The following SMIM14 variants were observed in gnomAD, a reference collection of about 807,000 sequenced individuals.
The protein encoded by SMIM14 is chromosome 4 open reading frame 34.
Under a neutral mutation model 12.6 loss-of-function variants are expected in SMIM14, and 5 were observed. The ratio of observed to expected loss-of-function variants is 0.40; its 90% CI spans 0.21 to 0.83. SMIM14 has a LOEUF of 0.83. SMIM14 is among the 40% of genes least tolerant of loss of function. SMIM14 has a pLI of 0.37. For missense variants in SMIM14, 86 were observed against 119.1 expected, an observed-to-expected ratio of 0.72 and a Z score of 1.29; for synonymous variants, 30 against 40.1, an observed-to-expected ratio of 0.75 and a Z score of 0.95.
chr4:39,573,241 A>G (rs1213764430), intron 2 of SMIM14, among the ~76,000 whole-genome samples: 1 of 151,888 alleles, frequency 6.6e-6, no homozygotes, highest in Non-Finnish European at 1.5e-5. Flanking sequence ...GATTACAGGC[A>G]CCCGCCACCA....
At chr4:39,572,391 T>C in intron 3 of SMIM14, 24 bp downstream of exon 3, 1 of 1,509,858 alleles carries the variant, frequency 6.6e-7, no homozygotes, top group Non-Finnish European at 9.0e-7. Context: ...ATGCCATCCT[T>C]CCTCCTGTCT....
At chr4:39,605,975 T>C (rs1298157888) in intron 1 of SMIM14, among the ~76,000 whole-genome samples, 1 of 152,088 alleles carries the variant, frequency 6.6e-6, no homozygotes, top group East Asian at 1.9e-4. Flanking sequence ...TGACCTCAGG[T>C]GATCTGCCCA....
intron 1 of SMIM14, among the ~76,000 whole-genome samples, chr4:39,613,843 T>C (rs1184748786): frequency 6.6e-6 from 1 of 152,150 alleles, no homozygotes; most frequent in African/African-American, 2.4e-5. Flanking sequence ...TTCTCAAAAA[T>C]GTGCAACAGG....
chr4:39,599,933 C>CA (rs56285045), intron 2 of SMIM14, among the ~76,000 whole-genome samples: 148 of 115,082 alleles, frequency 1.3e-3, no homozygotes, highest in African/African-American at 2.0e-3. Flanking sequence ...AAAACAACAA[C>CA]AAAAAAAAAA....
intron 1 of SMIM14, among the ~76,000 whole-genome samples, chr4:39,608,638 T>C (rs1714905251): frequency 6.6e-6 from 1 of 152,198 alleles, no homozygotes; most frequent in Non-Finnish European, 1.5e-5. Flanking sequence ...TTCTAGGGAC[T>C]TAGGGAAGAA....
chr4:39,629,408 G>T (rs1715824896), intron 1 of SMIM14, among the ~76,000 whole-genome samples: 1 of 126,976 alleles, frequency 7.9e-6, no homozygotes, highest in African/African-American at 2.7e-5. Context: ...TCCATACTAT[G>T]TTGATCCCAC....
At chr4:39,615,238 A>G (rs2110067951) in intron 1 of SMIM14, among the ~76,000 whole-genome samples, 1 of 152,312 alleles carries the variant, frequency 6.6e-6, no homozygotes, top group South Asian at 2.1e-4. Flanking sequence ...TCCGGCCCGA[A>G]TGTAAGATAT....
At chr4:39,573,712 C>A (rs1000529484) in intron 2 of SMIM14, among the ~76,000 whole-genome samples, 24 of 151,638 alleles carry the variant, frequency 1.6e-4, no homozygotes, top group East Asian at 3.9e-4. Flanking sequence ...GAAAAAAAAA[C>A]CAGATTCTAT....
intron 1 of SMIM14, among the ~76,000 whole-genome samples, chr4:39,619,698 ATAAT>A (rs1276975534): frequency 7.8e-6 from 1 of 127,636 alleles, no homozygotes; most frequent in African/African-American, 3.0e-5. Flanking sequence ...ATCAATAAAT[ATAAT>A]TTATTCTATA....
At chr4:39,568,402 C>T (rs1032762078) in intron 3 of SMIM14, among the ~76,000 whole-genome samples, 1 of 152,018 alleles carries the variant, frequency 6.6e-6, no homozygotes, top group Non-Finnish European at 1.5e-5. Context: ...AATGATATTT[C>T]TGATATCACA....
intron 1 of SMIM14, among the ~76,000 whole-genome samples, chr4:39,609,139 G>T (rs1319456023): frequency 6.7e-6 from 1 of 149,638 alleles, no homozygotes; most frequent in African/African-American, 2.6e-5. Flanking sequence ...ACCATGCCCG[G>T]CTAATTTTTT....
intron 1 of SMIM14, among the ~76,000 whole-genome samples, chr4:39,621,682 GTTTCT>G (rs1715494473): frequency 1.7e-5 from 2 of 116,960 alleles, no homozygotes; most frequent in African/African-American, 3.8e-5. Context: ...ACAGCCAAAC[GTTTCT>G]TTTTTTTTTT....
At chr4:39,577,458 G>C (rs1362342244) in intron 2 of SMIM14, among the ~76,000 whole-genome samples, 5 of 147,256 alleles carry the variant, frequency 3.4e-5, no homozygotes, top group Non-Finnish European at 6.0e-5. Flanking sequence ...GACGGAGTCT[G>C]ACTCTGTCTC....
intron 4 of SMIM14, among the ~76,000 whole-genome samples, chr4:39,555,087 T>TG (rs1278112508): frequency 6.6e-6 from 1 of 151,932 alleles, no homozygotes; most frequent in African/African-American, 2.4e-5. Context: ...CCGCCCATCT[T>TG]GGCCTCCCAA....
At chr4:39,584,107 C>T (rs1458660098) in intron 2 of SMIM14, 1 of 151,940 alleles carries the variant, frequency 6.6e-6, no homozygotes, top group African/African-American at 2.4e-5. Flanking sequence ...CCCAGTGTTT[C>T]AACTGGGAAA....
rs184814135 is a variant in SMIM14 at position 39,567,881 on chromosome 4, G to C, written c.124+4534C>G. 4.7e-3 allele frequency among the ~76,000 whole-genome samples: 715 copies of C among 152,188 alleles called. 11 individuals carry two copies. The highest frequency in any genetic ancestry group is 2.9e-3 in the Non-Finnish European group (194 of 68,018). On this transcript the variant is annotated intron_variant, in intron 3 of 4. Coordinates refer to ENST00000295958, the MANE Select transcript of SMIM14 (RefSeq NM_174921.3). The stretch of plus-strand genomic sequence containing the variant: ...GTTTGCTCCACTGCACTCAAGCCTG[G>C]GTGACAAAGTGAGACCCTGTCTCAA...
chr4:39,589,208 T>G (rs1282941601), intron 2 of SMIM14, among the ~76,000 whole-genome samples: 3 of 152,186 alleles, frequency 2.0e-5, no homozygotes, highest in Non-Finnish European at 4.4e-5. Flanking sequence ...TGCCTCAGCC[T>G]CTCAAGTAGC....
At chr4:39,622,558 A>G (rs935703255) in intron 1 of SMIM14, among the ~76,000 whole-genome samples, 38 of 151,892 alleles carry the variant, frequency 2.5e-4, no homozygotes, top group African/African-American at 9.0e-4. Context: ...GTGCCACCAC[A>G]CCCAGCTAAT....
chr4:39,603,959 C>T (rs973394295), intron 2 of SMIM14, among the ~76,000 whole-genome samples: 8 of 149,252 alleles, frequency 5.4e-5, no homozygotes, highest in South Asian at 4.2e-4. Flanking sequence ...TGCAGTGAGC[C>T]GAGATCGCAC....
Sources: allele counts gnomAD v4.1 joint callset (sites outside exome capture counted in the v4.1 genomes callset), GRCh38; gene constraint gnomAD v4.1.1; transcripts MANE v1.5; gene names NCBI Gene and HGNC (gene_info 2026-07-23, HGNC 2026-07-21).